GABRB1: variants seen among roughly 807,000 people sequenced by gnomAD.
GABRB1 encodes gamma-aminobutyric acid type A receptor subunit beta1, also known as gamma-aminobutyric acid receptor subunit beta-1.
A neutral mutation model predicts 51.6 loss-of-function variants in GABRB1; 17 were observed. The observed-to-expected ratio is 0.33, with a 90% confidence interval of 0.23 to 0.49. The LOEUF is 0.49. Ranked by LOEUF, GABRB1 falls within the 20% of genes least tolerant of loss-of-function variation. GABRB1 has a pLI of 0.99. For missense variants in GABRB1, 410 were observed against 600.6 expected, an observed-to-expected ratio of 0.68 and a Z score of 3.32; for synonymous variants, 247 against 218.9, an observed-to-expected ratio of 1.13 and a Z score of -1.14.
chr4:47,297,989 C>A lies in GABRB1; in HGVS notation c.462-22138C>A, dbSNP rs552875222. On this transcript the variant is annotated intron_variant, in intron 4 of 8. Coordinates refer to ENST00000295454, the MANE Select transcript of GABRB1 (RefSeq NM_000812.4). Reference sequence around the variant, plus strand: ...ATATAAACAGAATCAAAGACAAAAACTACATGATTATCTCAATAGATGCAG... The same window carrying A: ...ATATAAACAGAATCAAAGACAAAAAATACATGATTATCTCAATAGATGCAG... Among the ~76,000 whole-genome samples, 13 of 152,306 alleles carry A rather than the reference C, an allele frequency of 8.5e-5. No individual in the cohort carries two copies. The South Asian group carries it at 2.7e-3, about 32-fold the overall frequency.
intron 5 of GABRB1, among the ~76,000 whole-genome samples, chr4:47,386,731 G>C (rs193131066): frequency 6.6e-6 from 1 of 151,808 alleles, no homozygotes; most frequent in Non-Finnish European, 1.5e-5. Context: ...GTCCAAGAAG[G>C]AAGGAAAAAA....
At chr4:47,031,766 C>T in intron 1 of GABRB1, 35 bp downstream of exon 1, 1 of 1,572,998 alleles carries the variant, frequency 6.4e-7, no homozygotes, top group South Asian at 1.1e-5. Context: ...CTCTCTCTCT[C>T]TCTCTCTCTT....
rs544155732 is a variant in GABRB1 at position 47,349,393 on chromosome 4, G to C, written c.544+29184G>C. ...GGAGTGTTGAGTCACAGAGGCCAAG[G>C]AAAGAAAGGACAGTAGTACCTCCCT... is the stretch of plus-strand genomic sequence containing the variant. On this transcript the variant is annotated intron_variant, in intron 5 of 8. Transcript: ENST00000295454. Among the ~76,000 whole-genome samples, 34 of 152,212 alleles carry C rather than the reference G, an allele frequency of 2.2e-4. No homozygotes were observed. The East Asian group carries it at 6.2e-3, about 28-fold the overall frequency.
chr4:47,022,511 G>A (rs997331965), intron 1 of GABRB1, among the ~76,000 whole-genome samples: 16 of 151,932 alleles, frequency 1.1e-4, no homozygotes, highest in Non-Finnish European at 1.8e-4. Flanking sequence ...CTTTATCCAT[G>A]ATGTTCCAAA....
intron 1 of GABRB1, among the ~76,000 whole-genome samples, chr4:47,002,801 C>A (rs1232700465): frequency 6.6e-6 from 1 of 152,168 alleles, no homozygotes; most frequent in Non-Finnish European, 1.5e-5. Flanking sequence ...GACTGCTCTT[C>A]ATTACCATCT....
intron 3 of GABRB1, among the ~76,000 whole-genome samples, chr4:47,099,078 A>G (rs965755196): frequency 1.3e-5 from 2 of 152,024 alleles, no homozygotes; most frequent in African/African-American, 4.8e-5. Context: ...GTTTGGCAAT[A>G]TAGGTAGCAA....
At chr4:47,423,796 T>C (rs1729170807) in intron 8 of GABRB1, among the ~76,000 whole-genome samples, 2 of 152,244 alleles carry the variant, frequency 1.3e-5, no homozygotes, top group Admixed American at 6.5e-5. Flanking sequence ...TTAACTTCTT[T>C]GAGCCTTGGT....
At chr4:47,416,447 GT>G (rs1728921545) in intron 8 of GABRB1, among the ~76,000 whole-genome samples, 1 of 150,406 alleles carries the variant, frequency 6.6e-6, no homozygotes, top group Admixed American at 6.6e-5. Context: ...GACATCATTT[GT>G]TTTACTTTTT....
chr4:47,184,287 A>G (rs1237713722), intron 4 of GABRB1, among the ~76,000 whole-genome samples: 5 of 151,914 alleles, frequency 3.3e-5, no homozygotes, highest in Non-Finnish European at 5.9e-5. Context: ...ACTTTCTTGT[A>G]TGTGTTATGT....
rs946865483 is a variant in GABRB1 at position 47,082,870 on chromosome 4, A to C, written c.240+50386A>C. On this transcript the variant is annotated intron_variant, in intron 3 of 8. Coordinates refer to ENST00000295454, the MANE Select transcript of GABRB1 (RefSeq NM_000812.4). ...TCACAATGTTCTGTCTTATAAATAA[A>C]GTCATTCTGAACTTCTATTGAAGTC... Among the ~76,000 whole-genome samples the C allele has an allele frequency of 2.6e-5, 4 of 152,256 alleles. No individual in the cohort carries two copies. In the East Asian group the frequency reaches 7.7e-4, roughly 29 times the overall value.
At chr4:47,357,509 C>T (rs1314817665) in intron 5 of GABRB1, among the ~76,000 whole-genome samples, 2 of 152,180 alleles carry the variant, frequency 1.3e-5, no homozygotes, top group African/African-American at 2.4e-5. Context: ...TTCCAGCACC[C>T]CTTGCAGCTG....
intron 1 of GABRB1, among the ~76,000 whole-genome samples, chr4:47,018,017 C>T (rs1724800985): frequency 6.6e-6 from 1 of 151,592 alleles, no homozygotes; most frequent in East Asian, 1.9e-4. Context: ...GTTTTCTTTT[C>T]TTCTTCTTTC....
At chr4:47,273,265 A>C (rs1237377147) in intron 4 of GABRB1, among the ~76,000 whole-genome samples, 1 of 152,198 alleles carries the variant, frequency 6.6e-6, no homozygotes, top group Non-Finnish European at 1.5e-5. Flanking sequence ...GAGCATCCTA[A>C]TATGCTATAT....
intron 3 of GABRB1, among the ~76,000 whole-genome samples, chr4:47,070,476 C>T (rs916825278): frequency 1.3e-5 from 2 of 152,086 alleles, no homozygotes; most frequent in Admixed American, 6.6e-5. Context: ...GGATTACAGG[C>T]GCCAGCTACC....
chr4:47,396,275 G>A (rs1728178552), intron 5 of GABRB1, among the ~76,000 whole-genome samples: 1 of 152,056 alleles, frequency 6.6e-6, no homozygotes, highest in Non-Finnish European at 1.5e-5. Context: ...CAGATCTCGT[G>A]AGACTTACTC....
chr4:47,265,388 C>T (rs1227364666), intron 4 of GABRB1, among the ~76,000 whole-genome samples: 2 of 152,022 alleles, frequency 1.3e-5, no homozygotes, highest in African/African-American at 2.4e-5. Flanking sequence ...AATATATTTG[C>T]CATTGTGAAT....
At chr4:47,036,860 T>TA (rs1427323096) in intron 3 of GABRB1, among the ~76,000 whole-genome samples, 99 of 141,442 alleles carry the variant, frequency 7.0e-4, no homozygotes, top group Non-Finnish European at 1.0e-3. Context: ...AAAACAGTCT[T>TA]AAAAAAAAAG....
chr4:47,393,008 T>C (rs1728056069), intron 5 of GABRB1, among the ~76,000 whole-genome samples: 1 of 152,186 alleles, frequency 6.6e-6, no homozygotes, highest in Non-Finnish European at 1.5e-5. Flanking sequence ...TATAATTTAG[T>C]TTTCTGGATT....
At chr4:47,024,163 T>G (rs1254241729) in intron 1 of GABRB1, among the ~76,000 whole-genome samples, 1 of 151,992 alleles carries the variant, frequency 6.6e-6, no homozygotes, top group African/African-American at 2.4e-5. Context: ...TCCTAGTAGT[T>G]TGTTCTTCTT....
Sources: gnomAD v4.1 joint callset for allele counts (sites outside exome capture counted in the v4.1 genomes callset) on GRCh38, gnomAD v4.1.1 for gene constraint, MANE v1.5 for transcripts, NCBI Gene and HGNC (gene_info 2026-07-23, HGNC 2026-07-21) for gene names.